Variants in FAM227B observed in about 807,000 individuals in gnomAD.
The protein encoded by FAM227B is family with sequence similarity 227 member B, also known as protein FAM227B.
FAM227B carries 88 observed loss-of-function variants against 73.8 expected under a neutral mutation model. The observed-to-expected ratio is 1.19, with a 90% CI of 1.00 to 1.42. The LOEUF is 1.42. FAM227B is among the 40% of genes most tolerant of loss of function. The probability of loss-of-function intolerance (pLI) is 0.00; values close to 1 mark genes in which losing one functional copy is unlikely to be tolerated. For synonymous variants in FAM227B, 210 were observed against 190.5 expected (o/e 1.10, Z -0.84); for missense variants, 632 against 590.9 (o/e 1.07, Z -0.72).
At chr15:49,547,688 A>G (rs2072145622) in intron 9 of FAM227B, among the ~76,000 whole-genome samples, 1 of 152,248 alleles carries the variant, frequency 6.6e-6, no homozygotes, top group Non-Finnish European at 1.5e-5. Context: ...TGTATCAGAC[A>G]AAATAGACTT....
chr15:49,382,941 GAAGC>G (rs1038823438), intron 11 of FAM227B, among the ~76,000 whole-genome samples: 22 of 152,234 alleles, frequency 1.4e-4, no homozygotes, highest in African/African-American at 5.3e-4. Flanking sequence ...ATTAAACTCA[GAAGC>G]AAGGTTTAAG....
At chr15:49,617,266 A>G (rs1421850257) in intron 1 of FAM227B, among the ~76,000 whole-genome samples, 3 of 152,220 alleles carry the variant, frequency 2.0e-5, no homozygotes, top group Non-Finnish European at 4.4e-5. Context: ...TAAAAATAAA[A>G]TCTAGGCATA....
chr15:49,383,737 G>C (rs1001749501), intron 11 of FAM227B, among the ~76,000 whole-genome samples: 1 of 152,036 alleles, frequency 6.6e-6, no homozygotes, highest in East Asian at 1.9e-4. Flanking sequence ...TATAAAAAAG[G>C]AATACGATTG....
chr15:49,571,429 C>A (rs1190302710), intron 8 of FAM227B, among the ~76,000 whole-genome samples: 1 of 151,866 alleles, frequency 6.6e-6, no homozygotes, highest in Non-Finnish European at 1.5e-5. Flanking sequence ...AATCACCGTA[C>A]AAACCAACGT....
rs373588847 is a variant in FAM227B at position 49,505,658 on chromosome 15, T to C, written c.1012+2553A>G. Reference sequence around the variant, plus strand: ...AGCCTCAAAAAATACAAAAGTGGTATAGGTAAATAGCCAATAGAGGAATTA... The same window carrying C: ...AGCCTCAAAAAATACAAAAGTGGTACAGGTAAATAGCCAATAGAGGAATTA... On this transcript the variant is annotated intron_variant, in intron 11 of 15. Coordinates refer to ENST00000299338, the MANE Select transcript of FAM227B (RefSeq NM_152647.3). Among the ~76,000 whole-genome samples the C allele has an allele frequency of 1.1e-4, 17 of 152,156 alleles. No individual in the cohort carries two copies. The East Asian group carries it at 1.2e-3, about 10-fold the overall frequency.
chr15:49,451,813 G>A (rs1026843867), intron 11 of FAM227B, among the ~76,000 whole-genome samples: 1 of 152,042 alleles, frequency 6.6e-6, no homozygotes, highest in Non-Finnish European at 1.5e-5. Flanking sequence ...GCAATCAAGA[G>A]CGGTCAAGTA....
intron 10 of FAM227B, among the ~76,000 whole-genome samples, chr15:49,530,818 T>G (rs1480934947): frequency 6.6e-6 from 1 of 151,464 alleles, no homozygotes; most frequent in Non-Finnish European, 1.5e-5. Context: ...AAATATATTT[T>G]TATTAATTAA....
intron 13 of FAM227B, among the ~76,000 whole-genome samples, chr15:49,360,950 T>C (rs2044115476): frequency 2.0e-5 from 3 of 152,152 alleles, no homozygotes; most frequent in South Asian, 2.1e-4. Flanking sequence ...TCCTTACACA[T>C]AGACAATAAT....
At chr15:49,472,184 G>T (rs1426201613) in intron 11 of FAM227B, among the ~76,000 whole-genome samples, 2 of 152,132 alleles carry the variant, frequency 1.3e-5, no homozygotes, top group Non-Finnish European at 2.9e-5. Context: ...TGAAATTGGG[G>T]TGCATTAGTT....
chr15:49,510,430 T>A (rs1244451673), intron 10 of FAM227B, among the ~76,000 whole-genome samples: 1 of 152,172 alleles, frequency 6.6e-6, no homozygotes. Context: ...TTTGTTTTCT[T>A]ATGTTCTATG....
At chr15:49,422,639 C>A in intron 11 of FAM227B, 1 of 1,087,838 alleles carries the variant, frequency 9.2e-7, no homozygotes, top group Non-Finnish European at 1.4e-6. Flanking sequence ...TCTGGAACAG[C>A]AGGTAACTTG....
chr15:49,520,291 T>C (rs904519114), intron 10 of FAM227B, among the ~76,000 whole-genome samples: 3 of 152,232 alleles, frequency 2.0e-5, no homozygotes, highest in Non-Finnish European at 4.4e-5. Flanking sequence ...TTCCCACATC[T>C]TCCTGTCTTC....
intron 3 of FAM227B, among the ~76,000 whole-genome samples, chr15:49,600,586 G>A (rs1487937318): frequency 2.0e-5 from 3 of 149,772 alleles, no homozygotes; most frequent in Admixed American, 6.6e-5. Context: ...ACCCGGGAGG[G>A]AGAGGTTGCA....
chr15:49,451,308 A>G (rs1807233128), intron 11 of FAM227B, among the ~76,000 whole-genome samples: 1 of 152,066 alleles, frequency 6.6e-6, no homozygotes, highest in South Asian at 2.1e-4. Flanking sequence ...AAGAAATTAT[A>G]AAAACTAAAA....
intron 11 of FAM227B, among the ~76,000 whole-genome samples, chr15:49,387,475 T>C (rs1003017389): frequency 6.6e-6 from 1 of 151,646 alleles, no homozygotes; most frequent in African/African-American, 2.4e-5. Flanking sequence ...AGAAGGCACC[T>C]ATATCAAAAT....
chr15:49,403,937 C>T (rs1238963889), intron 11 of FAM227B, among the ~76,000 whole-genome samples: 1 of 151,978 alleles, frequency 6.6e-6, no homozygotes, highest in Non-Finnish European at 1.5e-5. Flanking sequence ...TAGCTGTGTC[C>T]CAGAGATTCT....
At chr15:49,376,555 G>A (rs560455724) in intron 11 of FAM227B, among the ~76,000 whole-genome samples, 1 of 152,184 alleles carries the variant, frequency 6.6e-6, no homozygotes, top group East Asian at 1.9e-4. Flanking sequence ...GGAATTGTGA[G>A]TCTTCCAACC....
chr15:49,446,202 CT>C (rs988196105), intron 11 of FAM227B, among the ~76,000 whole-genome samples: 1 of 151,230 alleles, frequency 6.6e-6, no homozygotes, highest in Non-Finnish European at 1.5e-5. Flanking sequence ...ACACTTTTTT[CT>C]TTTTAAGTTA....
chr15:49,550,131 C>T (rs1441179226), intron 9 of FAM227B, among the ~76,000 whole-genome samples: 27 of 143,434 alleles, frequency 1.9e-4, no homozygotes, highest in African/African-American at 1.6e-4. Context: ...ACCTCCCTCC[C>T]GGACGGGGCG....
Sources: gnomAD v4.1 joint callset for allele counts (sites outside exome capture counted in the v4.1 genomes callset) on GRCh38, gnomAD v4.1.1 for gene constraint, MANE v1.5 for transcripts, NCBI Gene and HGNC (gene_info 2026-07-23, HGNC 2026-07-21) for gene names.